PCDH15: variants seen among roughly 807,000 people sequenced by gnomAD.
PCDH15 encodes the protein protocadherin-15.
Under a neutral mutation model 178.5 loss-of-function variants are expected in PCDH15, and 129 were observed. The observed-to-expected ratio is 0.72, with a 90% CI of 0.63 to 0.84. The LOEUF is 0.84. Among genes scored for constraint, PCDH15 ranks in the 40% least tolerant of loss-of-function variants. The pLI is 0.00. For missense variants in PCDH15, 2,230 were observed against 2,099.9 expected (o/e 1.06, Z -1.21); for synonymous variants, 800 against 732.0 (o/e 1.09, Z -1.50).
chr10:55,571,797 A>G (rs972095470), intron 2 of PCDH15, among the ~76,000 whole-genome samples: 3 of 152,100 alleles, frequency 2.0e-5, no homozygotes, highest in African/African-American at 7.2e-5. Flanking sequence ...TTGGACAAAG[A>G]TATTCCAGTT....
rs10526141 is a variant in PCDH15, at chr10:54,450,130, AATATATATAT to A, written c.158-71198_158-71189del. ...GGCAGATGACTATTCCTTTTTTATA[AATATATATAT>A]ATATATATATATATATATTATACTT... On this transcript the variant is annotated intron_variant, in intron 3 of 37. Transcript: ENST00000644397. Among the ~76,000 whole-genome samples, 18 of 137,226 alleles carry A rather than the reference AATATATATAT, an allele frequency of 1.3e-4. 1 individual carries two copies. The highest frequency in any genetic ancestry group is 8.7e-4 in the Admixed American group (12 of 13,770). 90.0% of individuals were successfully genotyped at this position (137,226 alleles called of 152,430 possible).
intron 2 of PCDH15, among the ~76,000 whole-genome samples, chr10:55,368,492 C>T (rs898017412): frequency 1.3e-5 from 2 of 152,060 alleles, no homozygotes; most frequent in Non-Finnish European, 2.9e-5. Flanking sequence ...TTAAAATATG[C>T]CTGCATTTAA....
chr10:54,922,989 A>C (rs1276140518), intron 2 of PCDH15, among the ~76,000 whole-genome samples: 6 of 152,134 alleles, frequency 3.9e-5, no homozygotes, highest in Non-Finnish European at 7.3e-5. Context: ...TAGAGGTTCC[A>C]TGAGGACTCC....
intron 3 of PCDH15, among the ~76,000 whole-genome samples, chr10:54,385,196 A>T (rs555313377): frequency 1.0e-3 from 159 of 152,236 alleles, no homozygotes; most frequent in Non-Finnish European, 1.8e-3. Context: ...GTGGTTTTTT[A>T]GTACCTCTAG....
Position 55,249,011 on chromosome 10 carries a change from T to G in PCDH15, c.-156+70588A>C, listed in dbSNP as rs564935006. Among the ~76,000 whole-genome samples the G allele has an allele frequency of 5.3e-5, 8 of 152,250 alleles. No homozygotes were observed. In the South Asian group the frequency reaches 1.4e-3, roughly 28 times the overall value. On this transcript the variant is annotated intron_variant, in intron 1 of 5. Transcript: ENST00000458638. ...TATTTAAAGACACATTTAAAGACAATGTGGGCATGTCATACCTTGTGATAA... is the reference window on the plus strand; with the variant it reads ...TATTTAAAGACACATTTAAAGACAAGGTGGGCATGTCATACCTTGTGATAA...
chr10:53,822,548 G>T (rs760796538), intron 32 of PCDH15: 9 of 1,613,708 alleles, frequency 5.6e-6, no homozygotes, highest in Admixed American at 1.7e-5. Context: ...TATTTCTTTC[G>T]GTTTCAATAG....
intron 2 of PCDH15, among the ~76,000 whole-genome samples, chr10:55,153,962 A>T (rs1838809235): frequency 6.6e-6 from 1 of 152,196 alleles, no homozygotes; most frequent in Admixed American, 6.6e-5. Flanking sequence ...TGGCTTTCTC[A>T]TTAAAAATAC....
chr10:54,329,288 C>T (rs1321038965), intron 7 of PCDH15, among the ~76,000 whole-genome samples: 1 of 151,838 alleles, frequency 6.6e-6, no homozygotes, highest in Non-Finnish European at 1.5e-5. Flanking sequence ...TTAATACACA[C>T]CCAAGGTGAT....
At chr10:53,822,020 T>G (rs773575500) in intron 32 of PCDH15, 2 of 1,614,074 alleles carry the variant, frequency 1.2e-6, no homozygotes, top group Admixed American at 3.3e-5. Flanking sequence ...TTTTTTCTAT[T>G]TGACTGTACA....
intron 8 of PCDH15, among the ~76,000 whole-genome samples, chr10:54,314,064 T>C (rs1321609138): frequency 6.6e-6 from 1 of 151,926 alleles, no homozygotes; most frequent in Non-Finnish European, 1.5e-5. Context: ...CTCGGAAACA[T>C]AAATTAATAC....
intron 2 of PCDH15, among the ~76,000 whole-genome samples, chr10:55,505,234 A>G (rs1272026714): frequency 6.6e-6 from 1 of 151,398 alleles, no homozygotes; most frequent in East Asian, 1.9e-4. Flanking sequence ...CTTGACAATT[A>G]ATTTTAGTAA....
At chr10:54,929,147 G>A (rs1837704104) in intron 2 of PCDH15, among the ~76,000 whole-genome samples, 1 of 152,108 alleles carries the variant, frequency 6.6e-6, no homozygotes, top group Non-Finnish European at 1.5e-5. Context: ...TTTGATTGTG[G>A]CATAAGCCAA....
At chr10:55,602,181 G>A (rs756483247) in intron 2 of PCDH15, among the ~76,000 whole-genome samples, 2 of 152,108 alleles carry the variant, frequency 1.3e-5, no homozygotes, top group Non-Finnish European at 2.9e-5. Flanking sequence ...TTTTCCAACC[G>A]GCGTAAAAAA....
chr10:54,460,680 C>A (rs1055465777), intron 3 of PCDH15, among the ~76,000 whole-genome samples: 1 of 152,012 alleles, frequency 6.6e-6, no homozygotes, highest in African/African-American at 2.4e-5. Flanking sequence ...TGAAAGGCAT[C>A]AGAAATAACT....
At chr10:54,657,972 C>T (rs569425685) in intron 2 of PCDH15, among the ~76,000 whole-genome samples, 1 of 152,196 alleles carries the variant, frequency 6.6e-6, no homozygotes, top group South Asian at 2.1e-4. Flanking sequence ...GAAAATAGAA[C>T]TTCATGTATT....
intron 30 of PCDH15, chr10:53,831,006 T>G: frequency 2.0e-6 from 1 of 510,440 alleles, no homozygotes; most frequent in Non-Finnish European, 3.7e-6. Flanking sequence ...ACCTGTTACC[T>G]TCTCTCCCAA....
At chr10:54,850,919 T>A (rs576336440) in intron 3 of PCDH15, among the ~76,000 whole-genome samples, 149 of 152,268 alleles carry the variant, frequency 9.8e-4, no homozygotes, top group African/African-American at 3.4e-3. Context: ...TTGGAATATA[T>A]CAATGTGGCA....
At chr10:55,278,748 A>G (rs1391083945) in intron 1 of PCDH15, among the ~76,000 whole-genome samples, 2 of 152,212 alleles carry the variant, frequency 1.3e-5, no homozygotes, top group Non-Finnish European at 2.9e-5. Flanking sequence ...GACAAGACAA[A>G]TGAAAAATAC....
intron 2 of PCDH15, among the ~76,000 whole-genome samples, chr10:54,931,045 G>T (rs1688527845): frequency 1.3e-5 from 2 of 151,964 alleles, no homozygotes; most frequent in South Asian, 4.2e-4. Context: ...ATTTTTCCTG[G>T]AGTATTTTAC....
Sources: gnomAD v4.1 joint callset for allele counts (sites outside exome capture counted in the v4.1 genomes callset) on GRCh38, gnomAD v4.1.1 for gene constraint, MANE v1.5 for transcripts, NCBI Gene and HGNC (gene_info 2026-07-23, HGNC 2026-07-21) for gene names.